The following PLCL1 variants were observed in gnomAD, a reference collection of about 807,000 sequenced individuals.
PLCL1 encodes inactive phospholipase C-like protein 1.
In PLCL1, 41 loss-of-function variants were observed where a neutral mutation model predicts 84.4. The observed-to-expected ratio is 0.49, with a 90% CI of 0.38 to 0.63. The LOEUF (loss-of-function observed/expected upper bound fraction) is 0.63, where lower values mean the gene tolerates loss of function less well. Ranked by LOEUF, PLCL1 falls within the 30% of genes least tolerant of loss-of-function variation. PLCL1 has a pLI of 0.00. For missense variants in PLCL1, 1,206 were observed against 1,367.8 expected (o/e 0.88, Z 1.87); for synonymous variants, 490 against 488.3 (o/e 1.00, Z -0.05).
chr2:197,819,334 C>T (rs1268011427), intron 1 of PLCL1, among the ~76,000 whole-genome samples: 1 of 152,076 alleles, frequency 6.6e-6, no homozygotes, highest in South Asian at 2.1e-4. Context: ...TTGAATTAAA[C>T]ATGACATTGA....
At chr2:197,874,049 T>A (rs1474725030) in intron 1 of PLCL1, among the ~76,000 whole-genome samples, 1 of 152,216 alleles carries the variant, frequency 6.6e-6, no homozygotes, top group African/African-American at 2.4e-5. Context: ...AAATGTAATT[T>A]CAAAGCAACC....
chr2:197,810,244 A>T (rs757810654), intron 1 of PLCL1: 69 of 1,175,474 alleles, frequency 5.9e-5, no homozygotes, highest in Non-Finnish European at 7.5e-5. Flanking sequence ...TCACCTTAGA[A>T]GTGGTTGCTT....
intron 1 of PLCL1, among the ~76,000 whole-genome samples, chr2:198,082,600 T>A (rs1170031104): frequency 6.6e-6 from 1 of 152,170 alleles, no homozygotes; most frequent in Non-Finnish European, 1.5e-5. Context: ...TGGGATGTGG[T>A]TGGGAGCATC....
intron 1 of PLCL1, among the ~76,000 whole-genome samples, chr2:197,946,515 A>G (rs1199301968): frequency 6.6e-6 from 1 of 151,680 alleles, no homozygotes; most frequent in Non-Finnish European, 1.5e-5. Flanking sequence ...ATTAAAAACA[A>G]TTTTTTTTAT....
At chr2:197,833,286 C>A (rs1263041990) in intron 1 of PLCL1, among the ~76,000 whole-genome samples, 2 of 152,180 alleles carry the variant, frequency 1.3e-5, no homozygotes, top group Non-Finnish European at 1.5e-5. Context: ...GACAAGGATG[C>A]CCTCTCTCAC....
intron 5 of PLCL1, among the ~76,000 whole-genome samples, chr2:198,116,816 A>G (rs1373294758): frequency 6.6e-6 from 1 of 151,880 alleles, no homozygotes; most frequent in Non-Finnish European, 1.5e-5. Context: ...ACCCCTCATG[A>G]TGGGATTTGT....
intron 1 of PLCL1, among the ~76,000 whole-genome samples, chr2:197,898,439 T>C (rs1280870015): frequency 1.1e-4 from 17 of 152,190 alleles, no homozygotes. Context: ...AAGTGTACTT[T>C]GTTTTATTTT....
chr2:197,888,627 A>C (rs914623579), intron 1 of PLCL1, among the ~76,000 whole-genome samples: 2 of 152,218 alleles, frequency 1.3e-5, no homozygotes, highest in African/African-American at 2.4e-5. Flanking sequence ...TGCATGTTAA[A>C]GTGCTCTATA....
chr2:197,847,830 A>G lies in PLCL1; in HGVS notation c.240+42491A>G, dbSNP rs148769655. 6.8e-3 allele frequency among the ~76,000 whole-genome samples: 1,037 copies of G among 152,332 alleles called. 12 individuals carry two copies. The highest frequency in any genetic ancestry group is 0.024 in the African/African-American group (994 of 41,570). On this transcript the variant is annotated intron_variant, in intron 1 of 5. Coordinates refer to ENST00000428675, the MANE Select transcript of PLCL1 (RefSeq NM_006226.4). ...GTGCTGAAATGCCAAGCTGCATGTG[A>G]CAGTAGAAGAGTTGGCAGTATCTGT... is the stretch of plus-strand genomic sequence containing the variant.
intron 1 of PLCL1, among the ~76,000 whole-genome samples, chr2:197,959,899 C>T (rs1689574593): frequency 6.6e-6 from 1 of 152,034 alleles, no homozygotes; most frequent in Non-Finnish European, 1.5e-5. Context: ...TTTCTGTGTG[C>T]TTCAGAGCTC....
intron 1 of PLCL1, among the ~76,000 whole-genome samples, chr2:197,830,029 G>C (rs1049578185): frequency 1.3e-5 from 2 of 152,046 alleles, no homozygotes; most frequent in Admixed American, 1.3e-4. Flanking sequence ...ACATCACATC[G>C]TAAGCCCCAT....
intron 1 of PLCL1, among the ~76,000 whole-genome samples, chr2:197,915,291 A>G (rs1688572645): frequency 6.6e-6 from 1 of 152,206 alleles, no homozygotes; most frequent in Non-Finnish European, 1.5e-5. Context: ...CGGTGTCAAC[A>G]ATACCACATA....
chr2:197,899,836 C>A (rs1393317859), intron 1 of PLCL1, among the ~76,000 whole-genome samples: 1 of 151,668 alleles, frequency 6.6e-6, no homozygotes, highest in East Asian at 1.9e-4. Flanking sequence ...GGGGTTTCAC[C>A]GTGTTAGCCA....
intron 3 of PLCL1, among the ~76,000 whole-genome samples, chr2:198,091,273 T>G: frequency 6.6e-6 from 1 of 152,148 alleles, no homozygotes; most frequent in East Asian, 1.9e-4. Context: ...AAAACACCAT[T>G]TTTACTTTCT....
intron 1 of PLCL1, among the ~76,000 whole-genome samples, chr2:197,935,502 C>T (rs1489840907): frequency 6.6e-6 from 1 of 152,056 alleles, no homozygotes; most frequent in Non-Finnish European, 1.5e-5. Context: ...CCTAAGTGAA[C>T]TAATGCAGGA....
intron 1 of PLCL1, among the ~76,000 whole-genome samples, chr2:197,979,436 C>G (rs1473629918): frequency 6.6e-6 from 1 of 152,164 alleles, no homozygotes; most frequent in Non-Finnish European, 1.5e-5. Context: ...ATTACAAGAC[C>G]TCTGAAATCT....
At position 197,810,216 on chromosome 2, in the gene PLCL1, T is replaced by C. The variant is rs555421915; in HGVS notation, c.240+4877T>C. 7.2e-5 allele frequency: 57 copies of C among 789,958 alleles called. No homozygotes were observed. In the African/African-American group the frequency reaches 9.6e-4, roughly 13 times the overall value. The allele number at this position is 789,958 out of a possible 1,614,324, so 48.9% of individuals were successfully genotyped here. ...AATGTTACTTTCTCTCAAATTGCCA[T>C]AGTAACATGGTCACATTTCACCTTA... On this transcript the variant is annotated intron_variant, in intron 1 of 5. Transcript: ENST00000428675.
intron 1 of PLCL1, among the ~76,000 whole-genome samples, chr2:198,078,568 T>C (rs1177609457): frequency 6.6e-6 from 1 of 152,128 alleles, no homozygotes; most frequent in Non-Finnish European, 1.5e-5. Context: ...ATATAAATCT[T>C]TCCCTCCCTT....
chr2:197,881,227 G>A (rs997447398), intron 1 of PLCL1, among the ~76,000 whole-genome samples: 4 of 152,108 alleles, frequency 2.6e-5, no homozygotes, highest in Non-Finnish European at 5.9e-5. Context: ...AATATGTGAC[G>A]GTTTCAGCAC....
Sources: gnomAD v4.1 joint callset for allele counts (sites outside exome capture counted in the v4.1 genomes callset) on GRCh38, gnomAD v4.1.1 for gene constraint, MANE v1.5 for transcripts, NCBI Gene and HGNC (gene_info 2026-07-23, HGNC 2026-07-21) for gene names.